The following ATRNL1 variants were observed in gnomAD, a reference collection of about 807,000 sequenced individuals.
ATRNL1 encodes attractin-like protein 1.
In ATRNL1, 95 loss-of-function variants were observed where a neutral mutation model predicts 182.7. The observed-to-expected ratio is 0.52, with a 90% CI of 0.44 to 0.62. ATRNL1 has a LOEUF of 0.62. Ranked by LOEUF, ATRNL1 falls within the 20% of genes least tolerant of loss-of-function variation. The pLI is 0.00. For missense variants in ATRNL1, 1,471 were observed against 1,679.5 expected (o/e 0.88, Z 2.17); for synonymous variants, 576 against 568.3 (o/e 1.01, Z -0.19).
chr10:115,641,496 G>A (rs1345354375), intron 26 of ATRNL1, among the ~76,000 whole-genome samples: 8 of 152,140 alleles, frequency 5.3e-5, no homozygotes, highest in Non-Finnish European at 1.5e-5. Context: ...CATCTTTGTA[G>A]ATATGGTTCT....
Position 115,738,493 on chromosome 10 carries a change from C to T in ATRNL1, c.3903+11138C>T, listed in dbSNP as rs1565335828. ...ACAATAAATAAGAGATTTTTATAGGCACACCTTTGGTTCTTGAAGTGAGGA... is the reference window on the plus strand; with the variant it reads ...ACAATAAATAAGAGATTTTTATAGGTACACCTTTGGTTCTTGAAGTGAGGA... On this transcript the variant is annotated intron_variant, in intron 27 of 28. Transcript: ENST00000355044. 1.3e-5 allele frequency among the ~76,000 whole-genome samples: 2 copies of T among 152,034 alleles called. 1 individual carries two copies. The highest frequency in any genetic ancestry group is 4.8e-5 in the African/African-American group (2 of 41,420).
intron 26 of ATRNL1, among the ~76,000 whole-genome samples, chr10:115,645,485 A>T (rs1859546801): frequency 6.8e-6 from 1 of 147,612 alleles, no homozygotes; most frequent in African/African-American, 2.5e-5. Context: ...ATATCTATAT[A>T]ATAGAGATTT....
At chr10:115,587,530 C>T (rs1473575978) in intron 26 of ATRNL1, among the ~76,000 whole-genome samples, 3 of 151,138 alleles carry the variant, frequency 2.0e-5, no homozygotes, top group Non-Finnish European at 2.9e-5. Context: ...TTCCAGGTGC[C>T]ATCTGTCACC....
At chr10:115,643,695 A>G (rs1859414817) in intron 26 of ATRNL1, among the ~76,000 whole-genome samples, 1 of 152,172 alleles carries the variant, frequency 6.6e-6, no homozygotes, top group Admixed American at 6.5e-5. Flanking sequence ...ATGATACTCA[A>G]TATCATTAGT....
intron 20 of ATRNL1, among the ~76,000 whole-genome samples, chr10:115,397,348 C>T (rs1467465461): frequency 6.6e-6 from 1 of 151,920 alleles, no homozygotes; most frequent in African/African-American, 2.4e-5. Context: ...AGGATAATTT[C>T]TGTTTGGTTT....
rs550269894 is a variant in ATRNL1 at position 115,821,861 on chromosome 10, G to A, written c.3904-26016G>A. On this transcript the variant is annotated intron_variant, in intron 27 of 28. Coordinates refer to ENST00000355044, the MANE Select transcript of ATRNL1 (RefSeq NM_207303.4). ...GACACTTTAACACCCCACTGTCAAT[G>A]TTAGAGCAACAAGACAGAAAATTAA... Among the ~76,000 whole-genome samples the A allele has an allele frequency of 5.9e-5, 9 of 151,972 alleles. No individual in the cohort carries two copies. In the East Asian group the frequency reaches 1.5e-3, roughly 26 times the overall value.
intron 20 of ATRNL1, among the ~76,000 whole-genome samples, chr10:115,412,586 A>T (rs1845196992): frequency 6.6e-6 from 1 of 152,354 alleles, no homozygotes; most frequent in East Asian, 1.9e-4. Flanking sequence ...TATTTACTGA[A>T]TTATACAACT....
chr10:115,417,151 A>G (rs1845429471), intron 20 of ATRNL1, among the ~76,000 whole-genome samples: 1 of 152,176 alleles, frequency 6.6e-6, no homozygotes, highest in Admixed American at 6.5e-5. Flanking sequence ...CTGATCCCCA[A>G]GGGATTTGAC....
chr10:115,454,218 G>C (rs1847417176), intron 21 of ATRNL1, among the ~76,000 whole-genome samples: 1 of 151,930 alleles, frequency 6.6e-6, no homozygotes, highest in African/African-American at 2.4e-5. Flanking sequence ...CTACATGCAT[G>C]GGTTTATTTC....
chr10:115,279,952 T>C (rs1852282937), intron 13 of ATRNL1, among the ~76,000 whole-genome samples: 1 of 152,202 alleles, frequency 6.6e-6, no homozygotes, highest in African/African-American at 2.4e-5. Context: ...CCTTGTGTGT[T>C]AGGGGCCACA....
intron 26 of ATRNL1, among the ~76,000 whole-genome samples, chr10:115,579,796 G>A (rs1555006594): frequency 6.6e-6 from 1 of 151,826 alleles, no homozygotes; most frequent in Non-Finnish European, 1.5e-5. Context: ...TGGTTCTTTT[G>A]TTCCTCTTTT....
intron 25 of ATRNL1, among the ~76,000 whole-genome samples, chr10:115,531,378 G>A (rs1475517078): frequency 6.6e-6 from 1 of 152,124 alleles, no homozygotes; most frequent in Non-Finnish European, 1.5e-5. Flanking sequence ...CTGATGGCCA[G>A]TGATGGTGAG....
intron 19 of ATRNL1, among the ~76,000 whole-genome samples, chr10:115,346,042 T>C (rs1433039266): frequency 2.0e-5 from 3 of 152,218 alleles, no homozygotes; most frequent in African/African-American, 7.2e-5. Context: ...TTTGGAGAAA[T>C]ACTTATTCAA....
chr10:115,124,805 G>A (rs1554872884), intron 3 of ATRNL1, among the ~76,000 whole-genome samples: 3 of 152,048 alleles, frequency 2.0e-5, no homozygotes, highest in African/African-American at 7.2e-5. Flanking sequence ...AGAATTTAGA[G>A]GTTATGTCCC....
chr10:115,644,814 A>G (rs782115870), intron 26 of ATRNL1, among the ~76,000 whole-genome samples: 2 of 152,178 alleles, frequency 1.3e-5, no homozygotes, highest in Non-Finnish European at 2.9e-5. Flanking sequence ...TAGAAGCAAT[A>G]TATCTGGGAT....
At chr10:115,187,836 C>A (rs1388144149) in intron 8 of ATRNL1, among the ~76,000 whole-genome samples, 4 of 151,668 alleles carry the variant, frequency 2.6e-5, no homozygotes, top group African/African-American at 9.7e-5. Context: ...TGCGCGCCAG[C>A]ATGCCTGGTT....
At chr10:115,594,258 TATAA>T (rs1280387767) in intron 26 of ATRNL1, among the ~76,000 whole-genome samples, 3 of 152,118 alleles carry the variant, frequency 2.0e-5, no homozygotes, top group Non-Finnish European at 4.4e-5. Context: ...AATTCTATAT[TATAA>T]ATACTTAATA....
intron 24 of ATRNL1, among the ~76,000 whole-genome samples, chr10:115,497,325 C>A (rs2133615649): frequency 6.6e-6 from 1 of 152,258 alleles, no homozygotes; most frequent in Admixed American, 6.5e-5. Flanking sequence ...TCTCCTGAAT[C>A]TTTATGATCT....
intron 13 of ATRNL1, among the ~76,000 whole-genome samples, chr10:115,273,287 C>T (rs1282401856): frequency 6.6e-6 from 1 of 152,204 alleles, no homozygotes; most frequent in Non-Finnish European, 1.5e-5. Flanking sequence ...AGAAGGTATC[C>T]ACAGAAGTGG....
Sources: gnomAD v4.1 joint callset for allele counts (sites outside exome capture counted in the v4.1 genomes callset) on GRCh38, gnomAD v4.1.1 for gene constraint, MANE v1.5 for transcripts, NCBI Gene and HGNC (gene_info 2026-07-23, HGNC 2026-07-21) for gene names.